The following GFRA1 variants were observed in gnomAD, a reference collection of about 807,000 sequenced individuals.
The protein encoded by GFRA1 is GDNF family receptor alpha 1.
A neutral mutation model predicts 51.6 loss-of-function variants in GFRA1; 16 were observed. That is an observed-to-expected ratio of 0.31 (90% CI 0.21 to 0.47). GFRA1 has a LOEUF of 0.47. Among genes scored for constraint, GFRA1 ranks in the 20% least tolerant of loss-of-function variants. The pLI is 1.00. For missense variants in GFRA1, 530 were observed against 594.3 expected, an observed-to-expected ratio of 0.89 and a Z score of 1.13; for synonymous variants, 270 against 241.3, an observed-to-expected ratio of 1.12 and a Z score of -1.10.
At chr10:116,197,292 A>C (rs976876637) in intron 5 of GFRA1, among the ~76,000 whole-genome samples, 1 of 152,120 alleles carries the variant, frequency 6.6e-6, no homozygotes, top group African/African-American at 2.4e-5. Context: ...TCCTTCCACC[A>C]CATAAGGACA....
At chr10:116,213,985 C>T (rs548978963) in intron 4 of GFRA1, among the ~76,000 whole-genome samples, 1 of 152,330 alleles carries the variant, frequency 6.6e-6, no homozygotes, top group African/African-American at 2.4e-5. Flanking sequence ...AATTGATACA[C>T]ACTATACAGT....
At position 116,272,381 on chromosome 10, in the gene GFRA1, C is replaced by A; in HGVS notation, c.-246-106G>T. ...CCCGCCTTTGGGGAATTTCCAACAC[C>A]GGGGTGAGGACCCACCCCCACCCAG... On this transcript the variant is annotated intron_variant, in intron 1 of 10. Transcript: ENST00000355422. This position sits in a 1 kb window ranked among gnomAD's most constrained non-coding sequence, Gnocchi z 4.4. 4.9e-6 allele frequency: 2 copies of A among 411,666 alleles called. No individual in the cohort carries two copies. The highest frequency in any genetic ancestry group is 9.1e-6 in the Non-Finnish European group (2 of 220,904). 25.5% of individuals were successfully genotyped at this position (411,666 alleles called of 1,614,324 possible).
chr10:116,172,592 A>T (rs1961143662), intron 5 of GFRA1, among the ~76,000 whole-genome samples: 1 of 152,150 alleles, frequency 6.6e-6, no homozygotes, highest in African/African-American at 2.4e-5. Context: ...GGTTCAGAGA[A>T]GGAGGGCTAG....
intron 9 of GFRA1, among the ~76,000 whole-genome samples, chr10:116,079,958 C>T (rs1955780055): frequency 6.6e-6 from 1 of 152,120 alleles, no homozygotes; most frequent in African/African-American, 2.4e-5. Context: ...AAGTTCCACT[C>T]CACACACTGG....
intron 5 of GFRA1, among the ~76,000 whole-genome samples, chr10:116,202,238 G>C (rs2134393643): frequency 6.6e-6 from 1 of 152,288 alleles, no homozygotes; most frequent in Non-Finnish European, 1.5e-5. Flanking sequence ...CAGAAGGGTG[G>C]GCAGAACTCC....
At chr10:116,121,866 G>A (rs144888181) in intron 6 of GFRA1, among the ~76,000 whole-genome samples, 1 of 152,172 alleles carries the variant, frequency 6.6e-6, no homozygotes, top group African/African-American at 2.4e-5. Flanking sequence ...ACTCTGGGTA[G>A]AACAACAACG....
chr10:116,240,463 G>A (rs1967266746), intron 4 of GFRA1, among the ~76,000 whole-genome samples: 1 of 152,186 alleles, frequency 6.6e-6, no homozygotes. Context: ...TCGCAAAGAA[G>A]TATTTTCTAG....
At chr10:116,069,095 A>G (rs1955250173) in intron 9 of GFRA1, among the ~76,000 whole-genome samples, 1 of 152,166 alleles carries the variant, frequency 6.6e-6, no homozygotes. Context: ...ATTATGAGAA[A>G]TGCAGAGAGC....
At position 116,070,941 on chromosome 10, in the gene GFRA1, C is replaced by T. The variant is rs553275934; in HGVS notation, c.1198-5315G>A. 1.4e-4 allele frequency among the ~76,000 whole-genome samples: 21 copies of T among 152,248 alleles called. No individual in the cohort carries two copies. The South Asian group carries it at 4.4e-3, about 32-fold the overall frequency. On this transcript the variant is annotated intron_variant, in intron 9 of 10. Transcript: ENST00000355422. ...CTTTTCCTACAAACTTGGTAACAATCACTTGCAACCACTGGTCTGAATAAT... is the reference window on the plus strand; with the variant it reads ...CTTTTCCTACAAACTTGGTAACAATTACTTGCAACCACTGGTCTGAATAAT...
At chr10:116,204,417 C>T (rs895525177) in intron 5 of GFRA1, among the ~76,000 whole-genome samples, 1 of 152,220 alleles carries the variant, frequency 6.6e-6, no homozygotes, top group Admixed American at 6.5e-5. Context: ...AGAAAGGACA[C>T]CCTGGTAGCA....
intron 5 of GFRA1, among the ~76,000 whole-genome samples, chr10:116,126,675 G>A (rs767021767): frequency 5.3e-5 from 8 of 152,236 alleles, no homozygotes; most frequent in Non-Finnish European, 1.2e-4. Flanking sequence ...CTGCACAGCT[G>A]TGGGATGAGA....
chr10:116,069,624 C>T (rs1253440752), intron 9 of GFRA1, among the ~76,000 whole-genome samples: 1 of 152,192 alleles, frequency 6.6e-6, no homozygotes, highest in Non-Finnish European at 1.5e-5. Flanking sequence ...ACAGACCTTG[C>T]CAGTCCCTGG....
At chr10:116,119,011 A>G (rs1222265571) in intron 6 of GFRA1, among the ~76,000 whole-genome samples, 2 of 152,152 alleles carry the variant, frequency 1.3e-5, no homozygotes, top group African/African-American at 2.4e-5. Context: ...GGCAGGTCAT[A>G]GCTGGGCAGG....
chr10:116,202,513 A>G (rs1339840457), intron 5 of GFRA1, among the ~76,000 whole-genome samples: 1 of 152,130 alleles, frequency 6.6e-6, no homozygotes, highest in African/African-American at 2.4e-5. Flanking sequence ...ACCCTGCTAT[A>G]AAGAACTAAC....
Position 116,228,914 on chromosome 10 carries a change from C to G in GFRA1, c.419-17269G>C, listed in dbSNP as rs145270706. ...GAGAATTGCTTGAACCCGGGAGATG[C>G]AGGTTGCAGTGAGCCAAGATCGCGC... is the stretch of plus-strand genomic sequence containing the variant. On this transcript the variant is annotated intron_variant, in intron 4 of 10. Coordinates refer to ENST00000355422, the MANE Select transcript of GFRA1 (RefSeq NM_005264.8). 7.7e-5 allele frequency among the ~76,000 whole-genome samples: 10 copies of G among 129,586 alleles called. No individual in the cohort carries two copies. The East Asian group carries it at 2.6e-3, about 33-fold the overall frequency. The allele number at this position is 129,586 out of a possible 152,430, so 85.0% of individuals were successfully genotyped here. A position where few individuals can be genotyped will look rare whatever the true frequency, so the allele number is the denominator to read the frequency against.
At chr10:116,212,931 T>C (rs1053862714) in intron 4 of GFRA1, among the ~76,000 whole-genome samples, 6 of 152,216 alleles carry the variant, frequency 3.9e-5, no homozygotes, top group Admixed American at 2.6e-4. Context: ...TCACCCTGCT[T>C]ATACCGCCTC....
chr10:116,199,777 G>A lies in GFRA1; in HGVS notation c.433+11854C>T, dbSNP rs143955049. Among the ~76,000 whole-genome samples the A allele has an allele frequency of 6.9e-4, 105 of 151,998 alleles. 1 individual carries two copies. The highest frequency in any genetic ancestry group is 1.2e-3 in the Non-Finnish European group (83 of 67,996). On this transcript the variant is annotated intron_variant, in intron 5 of 10. Transcript: ENST00000355422. ...ATGCACAAATCTTAAGTGTATATTC[G>A]CTGAGTTTTGACAAATGTATACACC... is the stretch of plus-strand genomic sequence containing the variant.
chr10:116,162,866 C>G (rs1411100111), intron 5 of GFRA1, among the ~76,000 whole-genome samples: 1 of 152,156 alleles, frequency 6.6e-6, no homozygotes, highest in Admixed American at 6.5e-5. Context: ...CTGCCTTTGA[C>G]AGATGAGAAA....
chr10:116,108,345 G>A (rs1957079894), intron 6 of GFRA1, among the ~76,000 whole-genome samples: 1 of 152,128 alleles, frequency 6.6e-6, no homozygotes, highest in African/African-American at 2.4e-5. Context: ...TCAGGAGACA[G>A]GGAATTGTGG....
Sources: allele counts gnomAD v4.1 joint callset (sites outside exome capture counted in the v4.1 genomes callset), GRCh38; gene constraint gnomAD v4.1.1; non-coding constraint Gnocchi (gnomAD v3.1); transcripts MANE v1.5; gene names NCBI Gene and HGNC (gene_info 2026-07-23, HGNC 2026-07-21).